DGKD: variants seen among roughly 807,000 people sequenced by gnomAD.
DGKD encodes the protein diacylglycerol kinase delta.
In DGKD, 68 loss-of-function variants were observed where a neutral mutation model predicts 154.4. The ratio of observed to expected loss-of-function variants is 0.44; its 90% CI spans 0.36 to 0.54. The LOEUF is 0.54. Among genes scored for constraint, DGKD ranks in the 20% least tolerant of loss-of-function variants. The pLI is 0.00. For synonymous variants in DGKD, 693 were observed against 638.0 expected (o/e 1.09, Z -1.30); for missense variants, 1,343 against 1,593.6 (o/e 0.84, Z 2.68).
rs766847595 is a variant in DGKD at position 233,459,898 on chromosome 2, G to A, written c.2829+7G>A. 1.9e-6 allele frequency: 3 copies of A among 1,612,370 alleles called. No individual in the cohort carries two copies. The highest frequency in any genetic ancestry group is 2.5e-6 in the Non-Finnish European group (3 of 1,179,026). ...GACACTGACCAGAGACAGGGTAAGA[G>A]CGGCTGCCCGCGGTACCTGGGTGGG... is the stretch of plus-strand genomic sequence containing the variant. On this transcript the variant is annotated splice_region_variant and intron_variant, in intron 23 of 29. Coordinates refer to ENST00000264057, the MANE Select transcript of DGKD (RefSeq NM_152879.3). This position sits in a 1 kb window ranked among gnomAD's most constrained non-coding sequence, Gnocchi z 5.7.
intron 3 of DGKD, among the ~76,000 whole-genome samples, chr2:233,417,432 C>A (rs2061986760): frequency 6.6e-6 from 1 of 152,208 alleles, no homozygotes; most frequent in South Asian, 2.1e-4. Flanking sequence ...CTGTTGTTCC[C>A]TTGATGCTTG....
intron 3 of DGKD, among the ~76,000 whole-genome samples, chr2:233,398,211 T>C (rs1042016594): frequency 8.6e-5 from 13 of 150,912 alleles, no homozygotes; most frequent in South Asian, 6.3e-4. Context: ...GGTGCGATCT[T>C]GGCTTACTGC....
intron 3 of DGKD, among the ~76,000 whole-genome samples, chr2:233,418,975 C>T (rs1396028686): frequency 6.6e-6 from 1 of 152,068 alleles, no homozygotes; most frequent in Non-Finnish European, 1.5e-5. Flanking sequence ...GTGTGGTGCT[C>T]TGTGAGGAAG....
rs534041964 is a variant in DGKD, at chr2:233,438,157, G to A, written c.923-60G>A. 75 of 1,572,806 alleles carry A rather than the reference G, an allele frequency of 4.8e-5. No homozygotes were observed. In the African/African-American group the frequency reaches 8.8e-4, roughly 18 times the overall value. Reference sequence around the variant, plus strand: ...GGGTCTGCTGCTGCTGATTCCATCAGTGGTGCCCTCAGCGTCTTCCGTGGC... The same window carrying A: ...GGGTCTGCTGCTGCTGATTCCATCAATGGTGCCCTCAGCGTCTTCCGTGGC... On this transcript the variant is annotated intron_variant, in intron 8 of 29. Transcript: ENST00000264057. This position sits in a 1 kb window ranked among gnomAD's most constrained non-coding sequence, Gnocchi z 4.1.
chr2:233,445,742 C>T lies in DGKD; in HGVS notation c.1314C>T (p.Ala438=), dbSNP rs1367950212. The T allele has an allele frequency of 1.2e-6, 2 of 1,612,856 alleles. No individual in the cohort carries two copies. The highest frequency in any genetic ancestry group is 1.3e-5 in the African/African-American group (1 of 74,846). The part of the protein sequence containing the change: ...LPQILEKLER[A]STKMLDRWSV... ...AGATCTTGGAGAAGTTGGAGAGAGCCAGCACCAAGATGCTGGACAGGTGAG... is the reference window on the plus strand; with the variant it reads ...AGATCTTGGAGAAGTTGGAGAGAGCTAGCACCAAGATGCTGGACAGGTGAG... Residue 438 remains alanine (A), a synonymous_variant, in exon 11 of 30, where the codon GCC becomes GCT. Coordinates refer to ENST00000264057, the MANE Select transcript of DGKD (RefSeq NM_152879.3). The surrounding 1 kb of genome is among the most constrained non-coding windows in gnomAD (Gnocchi z 5.5).
chr2:233,392,814 A>T (rs1459733543), intron 3 of DGKD, among the ~76,000 whole-genome samples: 1 of 152,182 alleles, frequency 6.6e-6, no homozygotes. Flanking sequence ...TTACTTTCCC[A>T]CAAATTTCAC....
At chr2:233,402,119 C>T (rs1319608996) in intron 3 of DGKD, among the ~76,000 whole-genome samples, 1 of 151,880 alleles carries the variant, frequency 6.6e-6, no homozygotes, top group African/African-American at 2.4e-5. Context: ...GGGTCTGTTT[C>T]CCCAAATTCT....
intron 1 of DGKD, among the ~76,000 whole-genome samples, chr2:233,387,121 G>A (rs1703231636): frequency 1.3e-5 from 2 of 152,212 alleles, no homozygotes; most frequent in South Asian, 4.1e-4. Flanking sequence ...GGCATAGGTG[G>A]GGGACATGAG....
intron 3 of DGKD, among the ~76,000 whole-genome samples, chr2:233,428,874 T>TTTGTTG (rs113271309): frequency 9.2e-5 from 14 of 151,630 alleles, no homozygotes; most frequent in South Asian, 4.2e-4. Flanking sequence ...GAGGTTTTTT[T>TTTGTTG]TTGTTGTTGT....
At chr2:233,360,138 G>T (rs1411179904) in intron 1 of DGKD, among the ~76,000 whole-genome samples, 1 of 152,172 alleles carries the variant, frequency 6.6e-6, no homozygotes, top group East Asian at 1.9e-4. Context: ...GTGGTATTTG[G>T]GGCTGCTTTT....
intron 1 of DGKD, among the ~76,000 whole-genome samples, chr2:233,381,063 A>T (rs137970743): frequency 7.2e-5 from 11 of 152,204 alleles, no homozygotes; most frequent in African/African-American, 2.4e-4. Context: ...CAGAAAACCT[A>T]TGTTGGGTTC....
chr2:233,432,855 T>C (rs1438950858), intron 3 of DGKD, among the ~76,000 whole-genome samples: 1 of 152,198 alleles, frequency 6.6e-6, no homozygotes, highest in Admixed American at 6.6e-5. Context: ...CTCAATATCA[T>C]TGATCATCAG....
At chr2:233,377,336 G>A (rs141194615) in intron 1 of DGKD, among the ~76,000 whole-genome samples, 1 of 152,120 alleles carries the variant, frequency 6.6e-6, no homozygotes, top group East Asian at 1.9e-4. Flanking sequence ...CACCCGCTTC[G>A]GCCTCCCAAA....
At chr2:233,460,119 G>C in intron 23 of DGKD, 75 bp from the exon 24 acceptor site, 3 of 1,552,806 alleles carry the variant, frequency 1.9e-6, no homozygotes, top group Non-Finnish European at 2.6e-6. Context: ...GATCTCGTTG[G>C]CATCCCCATA....
intron 1 of DGKD, among the ~76,000 whole-genome samples, chr2:233,374,504 T>G (rs1204654808): frequency 6.6e-6 from 1 of 152,130 alleles, no homozygotes; most frequent in Admixed American, 6.5e-5. Context: ...CCAGCTAATT[T>G]TTAGATTTTT....
chr2:233,383,062 G>C (rs1702983800), intron 1 of DGKD, among the ~76,000 whole-genome samples: 1 of 148,714 alleles, frequency 6.7e-6, no homozygotes, highest in Non-Finnish European at 1.5e-5. Flanking sequence ...TTTTTTGAGA[G>C]GGAGTTTCAC....
chr2:233,357,892 C>T (rs1332890509), intron 1 of DGKD, among the ~76,000 whole-genome samples: 3 of 152,120 alleles, frequency 2.0e-5, no homozygotes, highest in African/African-American at 7.2e-5. Context: ...GTCCATGGAC[C>T]AGACTTTGAA....
chr2:233,363,809 A>G (rs1005449952), intron 1 of DGKD, among the ~76,000 whole-genome samples: 2 of 152,254 alleles, frequency 1.3e-5, no homozygotes, highest in African/African-American at 2.4e-5. Flanking sequence ...GTGTCAGCAC[A>G]GTGATGTGCT....
At chr2:233,420,595 C>T (rs994632325) in intron 3 of DGKD, among the ~76,000 whole-genome samples, 2 of 152,156 alleles carry the variant, frequency 1.3e-5, no homozygotes, top group Non-Finnish European at 2.9e-5. Flanking sequence ...TCTGAAATGT[C>T]GAATAAATGT....
Sources: gnomAD v4.1 joint callset for allele counts (sites outside exome capture counted in the v4.1 genomes callset) on GRCh38, gnomAD v4.1.1 for gene constraint, Gnocchi (gnomAD v3.1) non-coding constraint, MANE v1.5 for transcripts, NCBI Gene and HGNC (gene_info 2026-07-23, HGNC 2026-07-21) for gene names.